The following NKAIN2 variants were observed in gnomAD, a reference collection of about 807,000 sequenced individuals.
The protein encoded by NKAIN2 is sodium/potassium transporting ATPase interacting 2, also known as sodium/potassium-transporting ATPase subunit beta-1-interacting protein 2.
Under a neutral mutation model 32.6 loss-of-function variants are expected in NKAIN2, and 14 were observed. The ratio of observed to expected loss-of-function variants is 0.43; its 90% CI spans 0.28 to 0.67. NKAIN2 has a LOEUF of 0.67. Ranked by LOEUF, NKAIN2 falls within the 30% of genes least tolerant of loss-of-function variation. The pLI, the probability that NKAIN2 is intolerant of heterozygous loss-of-function variation, is 0.17. For missense variants in NKAIN2, 198 were observed against 258.3 expected, an observed-to-expected ratio of 0.77 and a Z score of 1.60; for synonymous variants, 80 against 87.2, an observed-to-expected ratio of 0.92 and a Z score of 0.46.
At chr6:124,307,859 T>C (rs1796565930) in intron 2 of NKAIN2, among the ~76,000 whole-genome samples, 1 of 152,208 alleles carries the variant, frequency 6.6e-6, no homozygotes, top group Non-Finnish European at 1.5e-5. Context: ...AAATATATTC[T>C]TTCTAATTAT....
intron 2 of NKAIN2, among the ~76,000 whole-genome samples, chr6:124,306,185 A>G (rs763356958): frequency 3.2e-4 from 48 of 152,174 alleles, no homozygotes; most frequent in Non-Finnish European, 6.0e-4. Flanking sequence ...TCTTGTTACT[A>G]AAGAGTTGAT....
chr6:123,880,808 A>C (rs1480990293), intron 1 of NKAIN2, among the ~76,000 whole-genome samples: 2 of 152,234 alleles, frequency 1.3e-5, no homozygotes, highest in African/African-American at 4.8e-5. Flanking sequence ...AAAGGTGTTT[A>C]AAATTTTTCA....
At chr6:124,167,695 CA>C (rs1788630533) in intron 1 of NKAIN2, among the ~76,000 whole-genome samples, 1 of 152,146 alleles carries the variant, frequency 6.6e-6, no homozygotes, top group Non-Finnish European at 1.5e-5. Flanking sequence ...TATGTCCCAT[CA>C]GTACCTAATT....
chr6:124,545,879 T>A (rs1780078322), intron 3 of NKAIN2, among the ~76,000 whole-genome samples: 1 of 152,102 alleles, frequency 6.6e-6, no homozygotes. Context: ...AATCTGATTA[T>A]TTGATTCTGT....
intron 1 of NKAIN2, among the ~76,000 whole-genome samples, chr6:123,836,430 G>T (rs903530449): frequency 1.3e-5 from 2 of 152,044 alleles, no homozygotes; most frequent in African/African-American, 4.8e-5. Flanking sequence ...CACTTCTGTG[G>T]CATTCTTCCC....
intron 5 of NKAIN2, among the ~76,000 whole-genome samples, chr6:124,801,884 A>G (rs1017719665): frequency 2.6e-5 from 4 of 152,168 alleles, no homozygotes; most frequent in Admixed American, 2.6e-4. Flanking sequence ...AAAAGGTACT[A>G]CTTTTCGGAT....
chr6:124,313,002 C>A (rs1220574378), intron 2 of NKAIN2, among the ~76,000 whole-genome samples: 1 of 152,052 alleles, frequency 6.6e-6, no homozygotes, highest in Non-Finnish European at 1.5e-5. Flanking sequence ...CCTAAAGTGC[C>A]CCAACATTAT....
intron 1 of NKAIN2, among the ~76,000 whole-genome samples, chr6:123,833,823 G>C (rs1319475700): frequency 6.6e-6 from 1 of 151,162 alleles, no homozygotes; most frequent in Non-Finnish European, 1.5e-5. Context: ...CACTTCCCGG[G>C]TTCAAGCAAT....
chr6:124,606,043 G>A (rs983572236), intron 3 of NKAIN2, among the ~76,000 whole-genome samples: 3 of 152,024 alleles, frequency 2.0e-5, no homozygotes, highest in African/African-American at 4.8e-5. Context: ...TGGACTTTAG[G>A]AAAGACTTTA....
chr6:123,832,074 T>G lies in NKAIN2; in HGVS notation c.54+27820T>G, dbSNP rs370055639. On this transcript the variant is annotated intron_variant, in intron 1 of 6. Coordinates refer to ENST00000368417, the MANE Select transcript of NKAIN2 (RefSeq NM_001040214.3). The stretch of plus-strand genomic sequence containing the variant: ...ATGCATAGTGGCCAGTATCCATCAT[T>G]ATAGTATCATGCAGAGTACTTTCAC... 3.3e-5 allele frequency among the ~76,000 whole-genome samples: 5 copies of G among 152,296 alleles called. No homozygotes were observed. In the South Asian group the frequency reaches 6.2e-4, roughly 19 times the overall value.
chr6:124,235,066 G>A (rs1792675054), intron 1 of NKAIN2, among the ~76,000 whole-genome samples: 1 of 152,084 alleles, frequency 6.6e-6, no homozygotes, highest in Non-Finnish European at 1.5e-5. Flanking sequence ...AAAGCTTAAA[G>A]GACAGAGTAT....
intron 4 of NKAIN2, among the ~76,000 whole-genome samples, chr6:124,732,580 T>C (rs1776736671): frequency 6.6e-6 from 1 of 152,096 alleles, no homozygotes; most frequent in African/African-American, 2.4e-5. Flanking sequence ...ATTTACTTTT[T>C]CTTTGGTTAC....
At chr6:124,636,679 A>G (rs763905046) in intron 3 of NKAIN2, among the ~76,000 whole-genome samples, 2 of 152,024 alleles carry the variant, frequency 1.3e-5, no homozygotes, top group Non-Finnish European at 2.9e-5. Context: ...AGTTCTAGAC[A>G]TATATAACCT....
At chr6:124,796,180 C>T (rs1779989814) in intron 5 of NKAIN2, among the ~76,000 whole-genome samples, 1 of 152,134 alleles carries the variant, frequency 6.6e-6, no homozygotes. Context: ...GCCATAAAAA[C>T]ATACCACAGA....
At chr6:124,213,479 C>T (rs802246) in intron 1 of NKAIN2, among the ~76,000 whole-genome samples, 1 of 151,652 alleles carries the variant, frequency 6.6e-6, no homozygotes, top group Non-Finnish European at 1.5e-5. Context: ...CTATACCCAC[C>T]AGAAAAAAAG....
intron 5 of NKAIN2, chr6:124,804,556 C>T (rs954806893): frequency 3.7e-5 from 8 of 213,946 alleles, no homozygotes; most frequent in South Asian, 3.3e-4. Context: ...CAGCTCCCAG[C>T]GTGAGCGACG....
chr6:124,104,303 A>G (rs1275534838), intron 1 of NKAIN2, among the ~76,000 whole-genome samples: 1 of 152,204 alleles, frequency 6.6e-6, no homozygotes, highest in African/African-American at 2.4e-5. Flanking sequence ...TGATATGGCC[A>G]TGTCATGTGG....
chr6:124,404,212 A>G (rs991674017), intron 3 of NKAIN2, among the ~76,000 whole-genome samples: 1 of 152,044 alleles, frequency 6.6e-6, no homozygotes, highest in Non-Finnish European at 1.5e-5. Flanking sequence ...ATTCATTTCC[A>G]GGCGTGGAGA....
chr6:124,418,321 A>G (rs1774587788), intron 3 of NKAIN2, among the ~76,000 whole-genome samples: 1 of 152,026 alleles, frequency 6.6e-6, no homozygotes, highest in African/African-American at 2.4e-5. Context: ...TCTTGTTCTG[A>G]ACACAAAATA....
Sources: allele counts gnomAD v4.1 joint callset (sites outside exome capture counted in the v4.1 genomes callset), GRCh38; gene constraint gnomAD v4.1.1; transcripts MANE v1.5; gene names NCBI Gene and HGNC (gene_info 2026-07-23, HGNC 2026-07-21).